The following TMEM131 variants were observed in gnomAD, a reference collection of about 807,000 sequenced individuals.
The protein encoded by TMEM131 is 2610524E03Rik.
In TMEM131, 66 loss-of-function variants were observed where a neutral mutation model predicts 211.6. The ratio of observed to expected loss-of-function variants is 0.31; its 90% CI spans 0.26 to 0.38. The LOEUF is 0.38. TMEM131 is among the 10% of genes least tolerant of loss of function. The probability of loss-of-function intolerance (pLI) is 1.00; values close to 1 mark genes in which losing one functional copy is unlikely to be tolerated. For synonymous variants in TMEM131, 844 were observed against 841.3 expected (o/e 1.00, Z -0.06); for missense variants, 2,036 against 2,299.3 (o/e 0.89, Z 2.34).
intron 1 of TMEM131, among the ~76,000 whole-genome samples, chr2:97,993,619 G>A (rs1174363915): frequency 1.3e-5 from 2 of 152,128 alleles, no homozygotes; most frequent in Non-Finnish European, 2.9e-5. Context: ...ATACAGAAAA[G>A]CATGGGCCAC....
chr2:97,923,637 A>AAAAAAAAAAAAG (rs1676846398), intron 2 of TMEM131, among the ~76,000 whole-genome samples: 1 of 149,698 alleles, frequency 6.7e-6, no homozygotes, highest in East Asian at 1.9e-4. Context: ...TTAAAAAAAA[A>AAAAAAAAAAAAG]AAAAAAAAAA....
At position 97,927,452 on chromosome 2, in the gene TMEM131, G is replaced by A. The variant is rs530820778; in HGVS notation, c.223C>T (p.Arg75Cys). ...TGTAGTAGCCCTCCATCATCAAAAC[G>A]CAGTACTTCTATTATGCTCTCTGAC... is the stretch of plus-strand genomic sequence containing the variant. ...VQSESIIEVL[R>C]FDDGGLLQTE... The change falls in exon 2 of 41, where the codon CGT becomes TGT. Residue 75 changes from arginine to cysteine, a missense_variant. Physicochemically the swap from Arg to Cys is radical, Grantham distance 180. This residue lies in a region of TMEM131 where 136 missense variants were observed against 115.4 expected (regional missense o/e 1.18). Transcript: ENST00000186436. The A allele has an allele frequency of 4.4e-6, 7 of 1,586,116 alleles. No homozygotes were observed. Among genetic ancestry groups the A allele is most frequent in the East Asian group, 2.3e-5 (1 of 43,514 alleles).
Position 97,801,968 on chromosome 2 carries a change from CA to C in TMEM131, c.2652-8del. On this transcript the variant is annotated splice_polypyrimidine_tract_variant and splice_region_variant and intron_variant, in intron 24 of 40. Transcript: ENST00000186436. ...CACCTTACTCAAGTTAAACCTAAAA[CA>C]AAAAATGTACACATATTTATTCATA... The C allele has an allele frequency of 1.3e-6, 2 of 1,593,656 alleles. No homozygotes were observed. The highest frequency in any genetic ancestry group is 1.3e-5 in the African/African-American group (1 of 74,330).
chr2:97,901,212 G>T (rs1040425620), intron 3 of TMEM131, among the ~76,000 whole-genome samples: 2 of 152,026 alleles, frequency 1.3e-5, no homozygotes, highest in African/African-American at 4.8e-5. Context: ...AAAAAATAAT[G>T]GCACAAAAGT....
intron 5 of TMEM131, among the ~76,000 whole-genome samples, chr2:97,846,926 A>T (rs1683467061): frequency 6.6e-6 from 1 of 152,138 alleles, no homozygotes; most frequent in African/African-American, 2.4e-5. Context: ...CACGCCTGTA[A>T]TCCCAGCAAT....
chr2:97,951,834 G>GT (rs1559470592), intron 1 of TMEM131, among the ~76,000 whole-genome samples: 1 of 152,054 alleles, frequency 6.6e-6, no homozygotes, highest in Non-Finnish European at 1.5e-5. Flanking sequence ...TACCATACAG[G>GT]ATCAGTGAAC....
intron 19 of TMEM131, among the ~76,000 whole-genome samples, chr2:97,806,772 A>T (rs1051494750): frequency 3.9e-4 from 59 of 152,224 alleles, no homozygotes; most frequent in African/African-American, 1.4e-3. Context: ...GAAATGATTA[A>T]ACCCACTTTT....
intron 1 of TMEM131, among the ~76,000 whole-genome samples, chr2:97,937,262 A>T (rs1677490000): frequency 6.6e-6 from 1 of 152,184 alleles, no homozygotes; most frequent in African/African-American, 2.4e-5. Flanking sequence ...TTCTGGACAT[A>T]AAAGTACAAT....
chr2:97,787,590 A>T (rs1221262379), intron 31 of TMEM131, among the ~76,000 whole-genome samples: 1 of 152,170 alleles, frequency 6.6e-6, no homozygotes, highest in Non-Finnish European at 1.5e-5. Context: ...CTTATCTGTA[A>T]ATCTGAAATC....
intron 3 of TMEM131, 103 bp downstream of exon 3, chr2:97,908,555 T>C (rs1676165514): frequency 2.5e-6 from 2 of 811,058 alleles, no homozygotes; most frequent in Non-Finnish European, 2.0e-6. Context: ...CAATTTGCTA[T>C]TCCTTCTTCA....
At chr2:97,818,481 G>GGGAA (rs796772650) in intron 12 of TMEM131, 132 bp downstream of exon 12, 58 of 293,208 alleles carry the variant, frequency 2.0e-4, no homozygotes, top group Non-Finnish European at 2.8e-4. Context: ...GGCGGGGGGG[G>GGGAA]ATCAACCTAA....
chr2:97,966,252 C>G (rs1228460808), intron 1 of TMEM131, among the ~76,000 whole-genome samples: 2 of 151,840 alleles, frequency 1.3e-5, no homozygotes, highest in Non-Finnish European at 2.9e-5. Flanking sequence ...GTTAAACCAG[C>G]AAGGTGTCTG....
rs770014164 is a variant in TMEM131, at chr2:97,795,110, G to A, written c.3206C>T (p.Thr1069Ile). 14 of 1,610,986 alleles carry A rather than the reference G, an allele frequency of 8.7e-6. No individual in the cohort carries two copies. Among genetic ancestry groups the A allele is most frequent in the Non-Finnish European group, 1.2e-5 (14 of 1,178,420 alleles). Residue 1069 changes from threonine (T) to isoleucine (I), a missense_variant, in exon 29 of 41, where the codon ACT becomes ATT. Coordinates refer to ENST00000186436, the MANE Select transcript of TMEM131 (RefSeq NM_015348.2). ...AACTCTAGAAGCTGTAAAATCAGGA[G>A]TAAACCTAAAACAGAATGATGGTAG... ...NASRDIIILFTPDFTASRVIR... is the reference protein window; with the variant it reads ...NASRDIIILFIPDFTASRVIR...
rs780294350 is a variant in TMEM131, at chr2:97,757,260, G to A, written c.5491C>T (p.Leu1831Phe). ...TPANTLASIG[L>F]MGTENSPAPH... ...GCAGGGGAGTTTTCTGTGCCCATGA[G>A]GCCGATGCTTGCCAGCGTGTTTGCT... Residue 1831 changes from leucine to phenylalanine, a missense_variant, in exon 41 of 41, where the codon CTC becomes TTC. Physicochemically the swap from Leu to Phe is conservative, Grantham distance 22. Coordinates refer to ENST00000186436, the MANE Select transcript of TMEM131 (RefSeq NM_015348.2). 240 of 1,613,866 alleles carry A rather than the reference G, an allele frequency of 1.5e-4. 2 individuals are homozygous for A. In the South Asian group the frequency reaches 2.6e-3, roughly 17 times the overall value.
chr2:97,805,818 T>C (rs1217187752), intron 19 of TMEM131, 115 bp from the exon 20 acceptor site: 2 of 973,738 alleles, frequency 2.1e-6, no homozygotes, highest in African/African-American at 1.6e-5. Flanking sequence ...AAAGACATCT[T>C]AGAATGTTCA....
intron 2 of TMEM131, among the ~76,000 whole-genome samples, chr2:97,912,897 C>G (rs574511574): frequency 6.6e-6 from 1 of 152,250 alleles, no homozygotes; most frequent in South Asian, 2.1e-4. Context: ...AATAGACCAG[C>G]CTCGGCAAAA....
intron 25 of TMEM131, 28 bp from the exon 26 acceptor site, chr2:97,797,544 G>C: frequency 1.3e-6 from 2 of 1,579,160 alleles, no homozygotes; most frequent in African/African-American, 2.7e-5. Flanking sequence ...ACAGAGAGGA[G>C]TCATGAATAT....
rs959554513 is a variant in TMEM131, at chr2:97,995,745, G to A, written c.-83C>T. On this transcript the variant is annotated 5_prime_UTR_variant, in exon 1 of 41. Transcript: ENST00000186436. ...GGCGGCGGCGCGGAAGCCGTGGTCCGGGCTCTGGCCGCGGCGCCGGGAGCG... is the reference window on the plus strand; with the variant it reads ...GGCGGCGGCGCGGAAGCCGTGGTCCAGGCTCTGGCCGCGGCGCCGGGAGCG... 18 of 1,055,812 alleles carry A rather than the reference G, an allele frequency of 1.7e-5. No individual in the cohort carries two copies. Among genetic ancestry groups the A allele is most frequent in the African/African-American group, 5.0e-5 (3 of 59,532 alleles). 65.4% of individuals were successfully genotyped at this position (1,055,812 alleles called of 1,614,324 possible).
At chr2:97,827,003 CGATA>C (rs992915817) in intron 11 of TMEM131, among the ~76,000 whole-genome samples, 3 of 134,524 alleles carry the variant, frequency 2.2e-5, no homozygotes, top group African/African-American at 8.6e-5. Flanking sequence ...CAGGACAGGA[CGATA>C]GATGGTTCCT....
Sources: gnomAD v4.1 joint callset for allele counts (sites outside exome capture counted in the v4.1 genomes callset) on GRCh38, gnomAD v4.1.1 for gene constraint, gnomAD v4.1.1 regional missense constraint, MANE v1.5 for transcripts, NCBI Gene and HGNC (gene_info 2026-07-23, HGNC 2026-07-21) for gene names.